Variants in PLEKHA6 observed in about 807,000 individuals in gnomAD.
The protein encoded by PLEKHA6 is pleckstrin homology domain-containing family A member 6.
Under a neutral mutation model 116.7 loss-of-function variants are expected in PLEKHA6, and 60 were observed. The observed-to-expected ratio is 0.51, with a 90% CI of 0.42 to 0.64. The LOEUF is 0.64. Among genes scored for constraint, PLEKHA6 ranks in the 30% least tolerant of loss-of-function variants. The probability of loss-of-function intolerance (pLI) is 0.00; values close to 1 mark genes in which losing one functional copy is unlikely to be tolerated. For synonymous variants in PLEKHA6, 489 were observed against 556.1 expected, an observed-to-expected ratio of 0.88 and a Z score of 1.70; for missense variants, 1,338 against 1,422.7, an observed-to-expected ratio of 0.94 and a Z score of 0.96.
intron 1 of PLEKHA6, among the ~76,000 whole-genome samples, chr1:204,345,549 GC>G (rs1286232649): frequency 6.6e-6 from 1 of 151,948 alleles, no homozygotes; most frequent in Non-Finnish European, 1.5e-5. Flanking sequence ...AGGTCTGGGT[GC>G]CACCATGAGG....
chr1:204,350,269 TATG>T (rs1361705051), intron 1 of PLEKHA6, among the ~76,000 whole-genome samples: 13 of 152,182 alleles, frequency 8.5e-5, no homozygotes, highest in Non-Finnish European at 1.9e-4. Flanking sequence ...TGCAATGAGC[TATG>T]ATGTCACCAG....
chr1:204,249,293 G>A (rs752450646), intron 10 of PLEKHA6, 29 bp from the exon 11 acceptor site: 1 of 1,506,356 alleles, frequency 6.6e-7, no homozygotes, highest in Non-Finnish European at 9.2e-7. Flanking sequence ...GAGAAGGAGA[G>A]GGAGAAAGAA....
At chr1:204,345,736 T>C (rs1673018348) in intron 1 of PLEKHA6, among the ~76,000 whole-genome samples, 1 of 151,952 alleles carries the variant, frequency 6.6e-6, no homozygotes, top group Non-Finnish European at 1.5e-5. Flanking sequence ...TCCCCCACAC[T>C]ATGTTCTGCT....
Position 204,244,853 on chromosome 1 carries a change from T to A in PLEKHA6, c.2172+11A>T. On this transcript the variant is annotated intron_variant, in intron 15 of 22. Transcript: ENST00000272203. The stretch of plus-strand genomic sequence containing the variant: ...TCCCCCACCTACCTTCTACTCCATT[T>A]CTCAACTTACCTCGTTGGAGCCAGG... The A allele has an allele frequency of 6.4e-7, 1 of 1,561,686 alleles. No individual in the cohort carries two copies. Among genetic ancestry groups the A allele is most frequent in the Non-Finnish European group, 8.7e-7 (1 of 1,152,240 alleles).
At chr1:204,290,988 C>CAAAA (rs34983026) in intron 1 of PLEKHA6, among the ~76,000 whole-genome samples, 1 of 113,336 alleles carries the variant, frequency 8.8e-6, no homozygotes, top group African/African-American at 3.7e-5. Flanking sequence ...GACCCTGTCT[C>CAAAA]AAAAAAAAAA....
intron 1 of PLEKHA6, among the ~76,000 whole-genome samples, chr1:204,356,919 A>G (rs1218793502): frequency 6.6e-6 from 1 of 152,202 alleles, no homozygotes; most frequent in East Asian, 1.9e-4. Context: ...AAGTCACCCA[A>G]AACACAGAAA....
At chr1:204,362,104 G>A (rs777863826), upstream of PLEKHA6, among the ~76,000 whole-genome samples, 7 of 152,170 alleles carry the variant, frequency 4.6e-5, no homozygotes, top group African/African-American at 1.4e-4. Flanking sequence ...AGGGAGGGTC[G>A]GTGTGGGGTG....
Position 204,273,713 on chromosome 1 carries a change from T to C in PLEKHA6, c.15A>G (p.Thr5=), listed in dbSNP as rs1204218996. 1.2e-6 allele frequency: 2 copies of C among 1,613,502 alleles called. No homozygotes were observed. Among genetic ancestry groups the C allele is most frequent in the African/African-American group, 2.7e-5 (2 of 74,900 alleles). ...TGGTGGTAGCCGGGCGTTTCCCACC[T>C]GTTTTATTGGACATGTCCAAGGTCG... MSNK[T]GGKRPATTNS... is the part of the protein sequence containing the mutation. The change falls in exon 3 of 23, where the codon ACA becomes ACG. Residue 5 remains threonine (T), a synonymous_variant. Transcript: ENST00000272203.
chr1:204,329,215 C>T (rs1672359104), intron 1 of PLEKHA6, among the ~76,000 whole-genome samples: 1 of 152,200 alleles, frequency 6.6e-6, no homozygotes, highest in Admixed American at 6.5e-5. Flanking sequence ...ATGTTTCAGG[C>T]TCTGACTCCC....
intron 1 of PLEKHA6, chr1:204,311,777 G>T: frequency 1.8e-6 from 1 of 569,168 alleles, no homozygotes; most frequent in Non-Finnish European, 2.2e-6. Flanking sequence ...ACTCTAAAGG[G>T]AATCATTTTA....
At position 204,259,972 on chromosome 1, in the gene PLEKHA6, A is replaced by T. The variant is rs941938899; in HGVS notation, c.525-232T>A. ...GCCCCTGCCCACACCTGCTGTGTTA[A>T]CTCTGCCCCCCACGTCTTCTCTGCA... On this transcript the variant is annotated intron_variant, in intron 7 of 22. Transcript: ENST00000272203. The surrounding 1 kb of genome is among the most constrained non-coding windows in gnomAD (Gnocchi z 4.6). Among the ~76,000 whole-genome samples the T allele has an allele frequency of 6.6e-6, 1 of 151,858 alleles. No homozygotes were observed. Among genetic ancestry groups the T allele is most frequent in the Non-Finnish European group, 1.5e-5 (1 of 67,974 alleles).
chr1:204,255,530 G>A (rs1665157471), intron 9 of PLEKHA6: 3 of 679,136 alleles, frequency 4.4e-6, no homozygotes, highest in South Asian at 1.6e-5. Context: ...CACCAACAAA[G>A]GTTGTCAAAT....
rs1323896144 is a variant in PLEKHA6, at chr1:204,220,308, C to G, written c.*2480G>C. ...ACGCCTGACAACCGCAGAGGGTCAT[C>G]AGGAGCAGACAGTGTAATAAAATCC... On this transcript the variant is annotated 3_prime_UTR_variant, in exon 23 of 23. Coordinates refer to ENST00000272203, the MANE Select transcript of PLEKHA6 (RefSeq NM_014935.5). 6.6e-6 allele frequency: 1 copy of G among 152,256 alleles called. No homozygotes were observed. Among genetic ancestry groups the G allele is most frequent in the Admixed American group, 6.5e-5 (1 of 15,288 alleles). The allele number at this position is 152,256 out of a possible 1,614,324, so 9.4% of individuals were successfully genotyped here. A position where few individuals can be genotyped will look rare whatever the true frequency, so the allele number is the denominator to read the frequency against.
chr1:204,243,400 C>T, intron 15 of PLEKHA6: 1 of 398,142 alleles, frequency 2.5e-6, no homozygotes, highest in Non-Finnish European at 4.4e-6. Context: ...TGCACTCCCA[C>T]CCGTGGCCTG....
At chr1:204,254,895 C>A (rs1243435171) in intron 9 of PLEKHA6, among the ~76,000 whole-genome samples, 3 of 152,138 alleles carry the variant, frequency 2.0e-5, no homozygotes, top group Admixed American at 2.0e-4. Context: ...ATATTGACCC[C>A]CAGCCTGTCT....
intron 1 of PLEKHA6, among the ~76,000 whole-genome samples, chr1:204,322,634 G>A (rs6703594): frequency 0.73 from 111,687 of 152,042 alleles, 41,538 homozygotes; most frequent in Middle Eastern, 0.8. Flanking sequence ...GCTATCAGCC[G>A]CTGGGATTCT....
At chr1:204,282,904 G>A in intron 1 of PLEKHA6, 2 of 646,542 alleles carry the variant, frequency 3.1e-6, no homozygotes, top group Non-Finnish European at 3.8e-6. Context: ...CAGAAGCAGA[G>A]AAAAAAGGCC....
intron 1 of PLEKHA6, among the ~76,000 whole-genome samples, chr1:204,355,288 C>T (rs1475915431): frequency 6.6e-6 from 1 of 152,226 alleles, no homozygotes; most frequent in Non-Finnish European, 1.5e-5. Context: ...CATTTATCTT[C>T]ACAAGAAGCT....
intron 1 of PLEKHA6, among the ~76,000 whole-genome samples, chr1:204,302,454 A>C (rs575631993): frequency 6.6e-6 from 1 of 152,338 alleles, no homozygotes; most frequent in East Asian, 1.9e-4. Context: ...AAGAGATTCT[A>C]ATCTCTAAGA....
Sources: gnomAD v4.1 joint callset for allele counts (sites outside exome capture counted in the v4.1 genomes callset) on GRCh38, gnomAD v4.1.1 for gene constraint, Gnocchi (gnomAD v3.1) non-coding constraint, MANE v1.5 for transcripts, NCBI Gene and HGNC (gene_info 2026-07-23, HGNC 2026-07-21) for gene names.